Variants in RNF20 observed in about 807,000 individuals in gnomAD.
RNF20 encodes the protein E3 ubiquitin-protein ligase BRE1A.
A neutral mutation model predicts 126.2 loss-of-function variants in RNF20; 84 were observed. The ratio of observed to expected loss-of-function variants is 0.67; its 90% CI spans 0.56 to 0.80. RNF20 has a LOEUF of 0.80. RNF20 is among the 30% of genes least tolerant of loss of function. The pLI is 0.00. For missense variants in RNF20, 869 were observed against 1,188.2 expected, an observed-to-expected ratio of 0.73 and a Z score of 3.95; for synonymous variants, 400 against 414.3, an observed-to-expected ratio of 0.97 and a Z score of 0.42.
Position 101,557,610 on chromosome 9 carries a change from G to A in RNF20, c.2382+14G>A, listed in dbSNP as rs763691437. On this transcript the variant is annotated intron_variant, in intron 16 of 19. Coordinates refer to ENST00000389120, the MANE Select transcript of RNF20 (RefSeq NM_019592.7). Reference sequence around the variant, plus strand: ...CTGAAGACTCAGGTAATTAGGATGAGTAGAGCTTTCTATTCTGTTGAAATA... The same window carrying A: ...CTGAAGACTCAGGTAATTAGGATGAATAGAGCTTTCTATTCTGTTGAAATA... 3.0e-5 allele frequency: 48 copies of A among 1,578,400 alleles called. No homozygotes were observed. Among genetic ancestry groups the A allele is most frequent in the Non-Finnish European group, 4.0e-5 (46 of 1,148,008 alleles).
Position 101,535,498 on chromosome 9 carries a change from T to TG in RNF20, c.76dup (p.Glu26GlyfsTer11). On this transcript the variant is annotated frameshift_variant, in exon 2 of 20. Coordinates refer to ENST00000389120, the MANE Select transcript of RNF20 (RefSeq NM_019592.7). LOFTEE classifies it high-confidence loss of function. The stretch of plus-strand genomic sequence containing the variant: ...TGCCTCCTGAGAAGAAGGCAGCTGT[T>TG]GAAGATTCAGGGACCACAGTGGAAA... 6.2e-7 allele frequency: 1 copy of TG among 1,614,030 alleles called. No homozygotes were observed. Among genetic ancestry groups the TG allele is most frequent in the Non-Finnish European group, 8.5e-7 (1 of 1,179,938 alleles).
intron 14 of RNF20, 31 bp downstream of exon 14, chr9:101,554,136 G>T: frequency 8.2e-7 from 1 of 1,215,790 alleles, no homozygotes; most frequent in South Asian, 1.3e-5. Flanking sequence ...CTGTCCTTCT[G>T]GTTAAAATCT....
chr9:101,553,924 C>T lies in RNF20; in HGVS notation c.1902-64C>T, dbSNP rs375757062. ...AAATATTCTGCTCAATCAAAATTCC[C>T]TTGCTCTGATGACCTTTATTTTCTT... is the stretch of plus-strand genomic sequence containing the variant. On this transcript the variant is annotated intron_variant, in intron 13 of 19. Coordinates refer to ENST00000389120, the MANE Select transcript of RNF20 (RefSeq NM_019592.7). 1.5e-5 allele frequency: 13 copies of T among 877,884 alleles called. No individual in the cohort carries two copies. In the African/African-American group the frequency reaches 2.2e-4, roughly 15 times the overall value. The allele number at this position is 877,884 out of a possible 1,614,324, so 54.4% of individuals were successfully genotyped here.
intron 5 of RNF20, among the ~76,000 whole-genome samples, chr9:101,542,972 CCTGA>C (rs1169171474): frequency 6.6e-6 from 1 of 152,162 alleles, no homozygotes; most frequent in Non-Finnish European, 1.5e-5. Flanking sequence ...AGTTCATCCC[CCTGA>C]CTTAGACTGA....
intron 6 of RNF20, among the ~76,000 whole-genome samples, chr9:101,545,196 C>T (rs1260207786): frequency 6.6e-6 from 1 of 152,090 alleles, no homozygotes; most frequent in African/African-American, 2.4e-5. Context: ...GCAAATAATG[C>T]CATGATTAAA....
rs766761004 is a variant in RNF20 at position 101,562,443 on chromosome 9, G to C, written c.*21G>C. On this transcript the variant is annotated 3_prime_UTR_variant, in exon 20 of 20. Coordinates refer to ENST00000389120, the MANE Select transcript of RNF20 (RefSeq NM_019592.7). ...GTTGATCTAAGTCAAGAGAAGAAGA[G>C]GAGCTGGCTAGTCAGGAACTTATTC... 2 of 1,600,572 alleles carry C rather than the reference G, an allele frequency of 1.2e-6. No individual in the cohort carries two copies. Among genetic ancestry groups the C allele is most frequent in the East Asian group, 4.5e-5 (2 of 44,402 alleles).
intron 2 of RNF20, 60 bp from the exon 3 acceptor site, chr9:101,540,143 T>C (rs1827236088): frequency 3.3e-6 from 5 of 1,512,778 alleles, no homozygotes; most frequent in Non-Finnish European, 4.5e-6. Flanking sequence ...CCTTGTTGAG[T>C]TTAACGGCTC....
In RNF20 at chr9:101,535,549, A is replaced by C; in HGVS notation, c.126A>C (p.Ser42=). Residue 42 remains serine (S), a synonymous_variant, in exon 2 of 20, where the codon TCA becomes TCC. Coordinates refer to ENST00000389120, the MANE Select transcript of RNF20 (RefSeq NM_019592.7). Reference sequence around the variant, plus strand: ...CAATTAAGCTAGGAGGTGTCTCTTCAACGGTATGAGGAAACAGTGCCATGA... The same window carrying C: ...CAATTAAGCTAGGAGGTGTCTCTTCCACGGTATGAGGAAACAGTGCCATGA... The part of the protein sequence containing the change: ...VETIKLGGVS[S]TEELDIRTLQ... 1 of 1,610,508 alleles carries C rather than the reference A, an allele frequency of 6.2e-7. No individual in the cohort carries two copies. Among genetic ancestry groups the C allele is most frequent in the East Asian group, 2.2e-5 (1 of 44,638 alleles).
chr9:101,552,666 A>T lies in RNF20; in HGVS notation c.1814A>T (p.Asp605Val). ...QKLKESEKER[D>V]SAKDKEKGKH... ...CTAAAAGAGTCAGAAAAAGAGAGAG[A>T]TTCTGCTAAGGATAAAGAGAAAGGC... Residue 605 changes from aspartate (D) to valine (V), a missense_variant, in exon 13 of 20, where the codon GAT (aspartate) becomes GTT (valine). Transcript: ENST00000389120. The T allele has an allele frequency of 5.2e-6, 8 of 1,524,850 alleles. No individual in the cohort carries two copies. The highest frequency in any genetic ancestry group is 7.3e-6 in the Non-Finnish European group (8 of 1,098,762). 94.5% of individuals were successfully genotyped at this position (1,524,850 alleles called of 1,614,324 possible). A position where few individuals can be genotyped will look rare whatever the true frequency, so the allele number is the denominator to read the frequency against.
At position 101,546,909 on chromosome 9, in the gene RNF20, C is replaced by A; in HGVS notation, c.837C>A (p.Asp279Glu). The A allele has an allele frequency of 6.2e-7, 1 of 1,613,944 alleles. No individual in the cohort carries two copies. Among genetic ancestry groups the A allele is most frequent in the Non-Finnish European group, 8.5e-7 (1 of 1,179,954 alleles). Residue 279 changes from aspartate to glutamate, a missense_variant, in exon 7 of 20, where the codon GAC becomes GAA. Asp to Glu is a conservative substitution (Grantham distance 45). Around this residue, in one of 8 missense-constraint regions of RNF20, gnomAD observed 153 missense variants for 226.4 expected, o/e 0.68. Coordinates refer to ENST00000389120, the MANE Select transcript of RNF20 (RefSeq NM_019592.7). ...SMIDDLQWDIDKIRKREQRLN... is the reference protein window; with the variant it reads ...SMIDDLQWDIEKIRKREQRLN... ...TTGATGACCTGCAGTGGGATATTGA[C>A]AAAATTCGAAAGAGGGAACAGCGAC...
chr9:101,540,014 T>A (rs1243775209), intron 2 of RNF20, among the ~76,000 whole-genome samples, 189 bp from the exon 3 acceptor site: 1 of 152,202 alleles, frequency 6.6e-6, no homozygotes, highest in Non-Finnish European at 1.5e-5. Flanking sequence ...GTATTATTCT[T>A]TCCTCACACC....
chr9:101,544,942 T>G (rs1412799140), intron 6 of RNF20, 57 bp downstream of exon 6: 3 of 1,085,130 alleles, frequency 2.8e-6, no homozygotes, highest in East Asian at 4.7e-5. Context: ...AGATGTTGAC[T>G]TACAATTCTG....
chr9:101,548,668 C>G (rs1236253903), intron 9 of RNF20, among the ~76,000 whole-genome samples: 2 of 152,138 alleles, frequency 1.3e-5, no homozygotes, highest in East Asian at 3.9e-4. Flanking sequence ...ATATCTACTT[C>G]TTTACTTACA....
Position 101,552,267 on chromosome 9 carries a change from C to A in RNF20, c.1530+5C>A. ...GCCCAGTCTGACCTGAACAAGGTAA[C>A]CAGAGGGAATAGAATAAATATCATT... On this transcript the variant is annotated splice_donor_5th_base_variant and intron_variant, in intron 12 of 19. Transcript: ENST00000389120. The A allele has an allele frequency of 6.2e-7, 1 of 1,614,032 alleles. No individual in the cohort carries two copies. The highest frequency in any genetic ancestry group is 8.5e-7 in the Non-Finnish European group (1 of 1,179,994).
intron 6 of RNF20, among the ~76,000 whole-genome samples, chr9:101,546,480 A>G (rs1827349167): frequency 6.6e-6 from 1 of 152,158 alleles, no homozygotes; most frequent in South Asian, 2.1e-4. Context: ...AAAACAAAAG[A>G]TACTATTTAT....
chr9:101,557,649 A>G (rs1205469351), intron 16 of RNF20, 53 bp downstream of exon 16: 2 of 1,321,722 alleles, frequency 1.5e-6, no homozygotes, highest in African/African-American at 1.5e-5. Flanking sequence ...TGCTTTCTAC[A>G]TGATGATATA....
At chr9:101,554,884 T>A (rs774509597) in intron 15 of RNF20, 41 bp downstream of exon 15, 1 of 1,369,876 alleles carries the variant, frequency 7.3e-7, no homozygotes, top group Admixed American at 2.7e-5. Flanking sequence ...TTTGAGTAAA[T>A]GTTACTTGAC....
chr9:101,540,934 A>T lies in RNF20; in HGVS notation c.587A>T (p.Gln196Leu). The change falls in exon 5 of 20, where the codon CAA (glutamine) becomes CTA (leucine). Residue 196 changes from glutamine (Q) to leucine (L), a missense_variant. This residue lies in a region of RNF20 where 103 missense variants were observed against 94.3 expected (regional missense o/e 1.09). Transcript: ENST00000389120. ...SQIVTVYDKL[Q>L]EKVELLSRKL... ...ATTGTGACTGTTTATGATAAATTGCAAGAAAAAGTGGAGCTCTTATCCCGG... is the reference window on the plus strand; with the variant it reads ...ATTGTGACTGTTTATGATAAATTGCTAGAAAAAGTGGAGCTCTTATCCCGG... The T allele has an allele frequency of 6.2e-7, 1 of 1,614,086 alleles. No homozygotes were observed. The highest frequency in any genetic ancestry group is 8.5e-7 in the Non-Finnish European group (1 of 1,180,008).
chr9:101,543,537 A>G (rs1190315383), intron 5 of RNF20, among the ~76,000 whole-genome samples: 1 of 135,624 alleles, frequency 7.4e-6, no homozygotes, highest in African/African-American at 2.9e-5. Flanking sequence ...ACCCTGCCAG[A>G]GCGGAACTGT....
Sources: gnomAD v4.1 joint callset for allele counts (sites outside exome capture counted in the v4.1 genomes callset) on GRCh38, gnomAD v4.1.1 for gene constraint, gnomAD v4.1.1 regional missense constraint, MANE v1.5 for transcripts, NCBI Gene and HGNC (gene_info 2026-07-23, HGNC 2026-07-21) for gene names.